VIPR2: variants seen among roughly 807,000 people sequenced by gnomAD.
The protein encoded by VIPR2 is vasoactive intestinal polypeptide receptor 2.
In VIPR2, 48 loss-of-function variants were observed where a neutral mutation model predicts 58.0. The ratio of observed to expected loss-of-function variants is 0.83; its 90% CI spans 0.66 to 1.05. The LOEUF is 1.05. VIPR2 is among the 50% of genes least tolerant of loss of function. The pLI is 0.00. For missense variants in VIPR2, 534 were observed against 558.0 expected (o/e 0.96, Z 0.43); for synonymous variants, 243 against 235.2 (o/e 1.03, Z -0.30).
chr7:159,142,764 A>ATT (rs36028373), intron 1 of VIPR2, among the ~76,000 whole-genome samples: 2 of 151,884 alleles, frequency 1.3e-5, no homozygotes, highest in African/African-American at 2.4e-5. Context: ...ATCTAATAGA[A>ATT]TTTTTTTTCT....
rs1437754200 is a variant in VIPR2, at chr7:159,030,765, A to G, written c.1168T>C (p.Trp390Arg). Residue 390 changes from tryptophan to arginine, a missense_variant, in exon 13 of 13, where the codon TGG (tryptophan) becomes CGG (arginine). Trp to Arg is a moderately radical substitution (Grantham distance 101). This residue lies in a region of VIPR2 where 306 missense variants were observed against 285.8 expected (regional missense o/e 1.07). Coordinates refer to ENST00000262178, the MANE Select transcript of VIPR2 (RefSeq NM_003382.5). ...SEVQCELKRK[W>R]RSRCPTPSAS... ...GACGGGGTCGGGCACCGGCTTCGCC[A>G]TTTTCGCTTCAGCTCGCACTGCACC... 1.3e-5 allele frequency: 21 copies of G among 1,593,972 alleles called. No homozygotes were observed. Among genetic ancestry groups the G allele is most frequent in the Non-Finnish European group, 1.7e-5 (20 of 1,171,464 alleles).
intron 5 of VIPR2, among the ~76,000 whole-genome samples, chr7:159,044,223 C>G (rs1333157763): frequency 6.6e-6 from 1 of 151,970 alleles, no homozygotes; most frequent in African/African-American, 2.4e-5. Flanking sequence ...TATCAAACAA[C>G]TAGCTGATGA....
At chr7:159,051,184 T>C (rs1476216822) in intron 5 of VIPR2, among the ~76,000 whole-genome samples, 7 of 152,078 alleles carry the variant, frequency 4.6e-5, no homozygotes, top group African/African-American at 1.7e-4. Context: ...GAAAGAAATG[T>C]TGAGGGAATG....
intron 4 of VIPR2, among the ~76,000 whole-genome samples, chr7:159,081,922 A>C (rs552913925): frequency 6.0e-4 from 91 of 152,326 alleles, no homozygotes; most frequent in Middle Eastern, 6.8e-3. Flanking sequence ...GAGATACCAT[A>C]TCACACCAAT....
chr7:159,114,982 ACAG>A (rs1796184616), intron 2 of VIPR2, among the ~76,000 whole-genome samples: 2 of 152,352 alleles, frequency 1.3e-5, no homozygotes, highest in African/African-American at 4.8e-5. Flanking sequence ...TGCAGCTAAA[ACAG>A]CAGATGAAAG....
intron 2 of VIPR2, among the ~76,000 whole-genome samples, chr7:159,138,156 C>T (rs1337344579): frequency 6.6e-6 from 1 of 152,196 alleles, no homozygotes; most frequent in Admixed American, 6.5e-5. Flanking sequence ...GACCACAGAG[C>T]GAGGTGGAAT....
chr7:159,054,924 A>G (rs1855219154), intron 5 of VIPR2, among the ~76,000 whole-genome samples: 2 of 152,232 alleles, frequency 1.3e-5, no homozygotes. Flanking sequence ...GCCTATGACC[A>G]GTAAATATAA....
chr7:159,082,995 T>C (rs1856990385), intron 4 of VIPR2, among the ~76,000 whole-genome samples: 1 of 152,206 alleles, frequency 6.6e-6, no homozygotes, highest in African/African-American at 2.4e-5. Context: ...TATATTTGTT[T>C]CAGTTGTGGT....
intron 2 of VIPR2, among the ~76,000 whole-genome samples, chr7:159,130,198 C>T (rs1796841464): frequency 6.6e-6 from 1 of 152,200 alleles, no homozygotes; most frequent in African/African-American, 2.4e-5. Flanking sequence ...TATTCCTGGG[C>T]TTAGGTCAAG....
rs1320185347 is a variant in VIPR2, at chr7:159,103,775, G to C, written c.339C>G (p.Asp113Glu). ...AGCCTACCTTGCTCTCATCCTCCGGGTCGCTGTAGCCACAGGCATCGACGA... is the reference window on the plus strand; with the variant it reads ...AGCCTACCTTGCTCTCATCCTCCGGCTCGCTGTAGCCACAGGCATCGACGA... ...PDFVDACGYS[D>E]PEDESKITFY... The change falls in exon 4 of 13, where the codon GAC becomes GAG. Residue 113 changes from aspartate to glutamate, a missense_variant. By Grantham distance (45) the Asp-to-Glu change is conservative (BLOSUM62 2). Transcript: ENST00000262178. 6.2e-7 allele frequency: 1 copy of C among 1,614,094 alleles called. No homozygotes were observed. The highest frequency in any genetic ancestry group is 2.2e-5 in the East Asian group (1 of 44,870).
intron 4 of VIPR2, among the ~76,000 whole-genome samples, chr7:159,073,711 T>G (rs986472972): frequency 6.6e-6 from 1 of 151,756 alleles, no homozygotes; most frequent in Non-Finnish European, 1.5e-5. Flanking sequence ...GCTCAGCCTA[T>G]CCTTTTTTTT....
rs141488738 is a variant in VIPR2, at chr7:159,107,873, G to T, written c.259+1939C>A. On this transcript the variant is annotated intron_variant, in intron 3 of 12. Coordinates refer to ENST00000262178, the MANE Select transcript of VIPR2 (RefSeq NM_003382.5). Reference sequence around the variant, plus strand: ...GCTGGTCACTGTGATGATGCACAGTGCCGGACACACGTGATGATGCCCAGA... The same window carrying T: ...GCTGGTCACTGTGATGATGCACAGTTCCGGACACACGTGATGATGCCCAGA... Among the ~76,000 whole-genome samples the T allele has an allele frequency of 7.6e-4, 115 of 152,042 alleles. 1 individual carries two copies. In the East Asian group the frequency reaches 0.022, roughly 29 times the overall value.
At chr7:159,042,902 C>T (rs1310787759) in intron 6 of VIPR2, 133 bp downstream of exon 6, 1 of 1,246,030 alleles carries the variant, frequency 8.0e-7, no homozygotes, top group East Asian at 2.7e-5. Context: ...CTCTGCCAGG[C>T]TCTCTGTTTC....
intron 4 of VIPR2, 39 bp from the exon 5 acceptor site, chr7:159,058,617 C>G (rs1275714125): frequency 7.2e-7 from 1 of 1,391,996 alleles, no homozygotes; most frequent in Non-Finnish European, 1.0e-6. Flanking sequence ...CTGAGGGTGA[C>G]CAGCAACACC....
At chr7:159,143,048 T>C (rs1797537203) in intron 1 of VIPR2, among the ~76,000 whole-genome samples, 1 of 152,124 alleles carries the variant, frequency 6.6e-6, no homozygotes, top group Admixed American at 6.5e-5. Flanking sequence ...TTGACTAGAA[T>C]TTGGGGTGGA....
chr7:159,111,854 T>C (rs1458298454), intron 2 of VIPR2, among the ~76,000 whole-genome samples: 1 of 151,918 alleles, frequency 6.6e-6, no homozygotes. Flanking sequence ...ACAGAAAATA[T>C]TTAAAAATTC....
At chr7:159,086,982 A>T (rs1857209957) in intron 4 of VIPR2, among the ~76,000 whole-genome samples, 1 of 152,212 alleles carries the variant, frequency 6.6e-6, no homozygotes, top group Non-Finnish European at 1.5e-5. Flanking sequence ...GAAGAAAACC[A>T]CACTCTGCCA....
At chr7:159,109,411 G>A (rs546531053) in intron 3 of VIPR2, among the ~76,000 whole-genome samples, 1 of 152,300 alleles carries the variant, frequency 6.6e-6, no homozygotes, top group South Asian at 2.1e-4. Context: ...TGAGCATGGA[G>A]GCTCTGGGTG....
In VIPR2 at chr7:159,097,035, T is replaced by C. The variant is rs755935733; in HGVS notation, c.357+6722A>G. On this transcript the variant is annotated intron_variant, in intron 4 of 12. Coordinates refer to ENST00000262178, the MANE Select transcript of VIPR2 (RefSeq NM_003382.5). The surrounding 1 kb of genome is among the most constrained non-coding windows in gnomAD (Gnocchi z 5.3). The stretch of plus-strand genomic sequence containing the variant: ...TCAGAGGTGATTTGGGGCAGGCCGC[T>C]CTGGGGGTCTCTGGCAGGCTCCTCC... 4.2e-5 allele frequency: 65 copies of C among 1,549,426 alleles called. No individual in the cohort carries two copies. The highest frequency in any genetic ancestry group is 5.1e-5 in the Non-Finnish European group (59 of 1,146,308).
Sources: allele counts gnomAD v4.1 joint callset (sites outside exome capture counted in the v4.1 genomes callset), GRCh38; gene constraint gnomAD v4.1.1; regional missense constraint gnomAD v4.1.1; non-coding constraint Gnocchi (gnomAD v3.1); transcripts MANE v1.5; gene names NCBI Gene and HGNC (gene_info 2026-07-23, HGNC 2026-07-21).